Variants in CPPED1 observed in about 807,000 individuals in gnomAD.
The protein encoded by CPPED1 is calcineurin like phosphoesterase domain containing 1, also known as serine/threonine-protein phosphatase CPPED1.
CPPED1 carries 28 observed loss-of-function variants against 28.0 expected under a neutral mutation model. That is an observed-to-expected ratio of 1.00 (90% CI 0.74 to 1.37). The LOEUF (loss-of-function observed/expected upper bound fraction) is 1.37. Ranked by LOEUF, CPPED1 falls within the 40% of genes most tolerant of loss-of-function variation. The pLI, the probability that CPPED1 is intolerant of heterozygous loss-of-function variation, is 0.00. For synonymous variants in CPPED1, 198 were observed against 180.2 expected, an observed-to-expected ratio of 1.10 and a Z score of -0.79; for missense variants, 504 against 416.5, an observed-to-expected ratio of 1.21 and a Z score of -1.83.
intron 2 of CPPED1, among the ~76,000 whole-genome samples, chr16:12,713,444 C>T (rs1168599699): frequency 6.6e-6 from 1 of 152,166 alleles, no homozygotes; most frequent in East Asian, 1.9e-4. Context: ...CGGCTTGCTG[C>T]AATCTCTGCC....
At chr16:12,784,005 A>G (rs1241455890) in intron 1 of CPPED1, among the ~76,000 whole-genome samples, 1 of 151,038 alleles carries the variant, frequency 6.6e-6, no homozygotes, top group Non-Finnish European at 1.5e-5. Flanking sequence ...GCCTCCTGAT[A>G]TTCACATCCC....
chr16:12,782,435 GC>G (rs1188907416), intron 1 of CPPED1, among the ~76,000 whole-genome samples: 2 of 151,984 alleles, frequency 1.3e-5, no homozygotes, highest in Non-Finnish European at 2.9e-5. Flanking sequence ...CCGATCTACA[GC>G]CCCCTCATTT....
At chr16:12,666,862 A>C (rs548066488) in intron 3 of CPPED1, among the ~76,000 whole-genome samples, 1 of 152,216 alleles carries the variant, frequency 6.6e-6, no homozygotes, top group Non-Finnish European at 1.5e-5. Flanking sequence ...AGCTCACAAC[A>C]TTCCTTAAAA....
intron 1 of CPPED1, among the ~76,000 whole-genome samples, chr16:12,799,355 C>T (rs948553113): frequency 3.3e-5 from 5 of 151,540 alleles, no homozygotes; most frequent in Non-Finnish European, 5.9e-5. Flanking sequence ...AAGTGATTCT[C>T]CTGCCTCAGC....
At chr16:12,724,456 C>G (rs1287867727) in intron 2 of CPPED1, among the ~76,000 whole-genome samples, 2 of 152,204 alleles carry the variant, frequency 1.3e-5, no homozygotes, top group Admixed American at 1.3e-4. Context: ...TCCATTATCG[C>G]GCAGCTGCCA....
intron 2 of CPPED1, among the ~76,000 whole-genome samples, chr16:12,756,183 A>T (rs1854179668): frequency 6.6e-6 from 1 of 152,038 alleles, no homozygotes; most frequent in Non-Finnish European, 1.5e-5. Flanking sequence ...GCTGAAACTC[A>T]TATAATGACA....
intron 3 of CPPED1, among the ~76,000 whole-genome samples, chr16:12,697,303 A>AT (rs1472794201): frequency 6.6e-6 from 1 of 152,096 alleles, no homozygotes; most frequent in South Asian, 2.1e-4. Context: ...AGCTAGTTCT[A>AT]TTTTTTTCTA....
intron 3 of CPPED1, among the ~76,000 whole-genome samples, chr16:12,676,203 G>C (rs547356112): frequency 5.5e-4 from 84 of 152,302 alleles, no homozygotes; most frequent in African/African-American, 2.0e-3. Flanking sequence ...GAAGGGATCC[G>C]GGTAAGGTGG....
intron 3 of CPPED1, among the ~76,000 whole-genome samples, chr16:12,667,138 A>G (rs2079829976): frequency 6.6e-6 from 1 of 152,144 alleles, no homozygotes; most frequent in Admixed American, 6.6e-5. Flanking sequence ...ACAAAAAACA[A>G]AAAAAACACC....
chr16:12,723,072 C>T (rs982166590), intron 2 of CPPED1, among the ~76,000 whole-genome samples: 6 of 152,120 alleles, frequency 3.9e-5, no homozygotes, highest in African/African-American at 1.4e-4. Flanking sequence ...ACAGGAGGGT[C>T]GGCAACGTCT....
At chr16:12,705,086 G>C in intron 2 of CPPED1, 37 bp from the exon 3 acceptor site, 3 of 1,547,536 alleles carry the variant, frequency 1.9e-6, no homozygotes, top group Non-Finnish European at 2.6e-6. Context: ...GAAAGCCAGG[G>C]GCTTATTCAC....
chr16:12,683,036 G>A (rs1036953312), intron 3 of CPPED1, among the ~76,000 whole-genome samples: 8 of 152,280 alleles, frequency 5.3e-5, no homozygotes, highest in East Asian at 1.9e-4. Context: ...CAGACGTGGC[G>A]GCCAGCCACG....
chr16:12,689,499 G>A (rs2079951305), intron 3 of CPPED1, among the ~76,000 whole-genome samples: 2 of 151,542 alleles, frequency 1.3e-5, no homozygotes, highest in Admixed American at 1.3e-4. Context: ...CAAATCACTG[G>A]GATTACACGT....
At chr16:12,737,833 TTC>T (rs913034025) in intron 2 of CPPED1, among the ~76,000 whole-genome samples, 50 of 152,228 alleles carry the variant, frequency 3.3e-4, no homozygotes, top group African/African-American at 1.2e-3. Flanking sequence ...TTGAGCAATT[TTC>T]TCTCTCTCTT....
intron 2 of CPPED1, among the ~76,000 whole-genome samples, chr16:12,767,313 C>T (rs1596477677): frequency 6.6e-6 from 1 of 152,310 alleles, no homozygotes; most frequent in African/African-American, 2.4e-5. Context: ...TTCATCTTTT[C>T]TCCATCTTTT....
At chr16:12,743,582 G>C (rs1316544510) in intron 2 of CPPED1, among the ~76,000 whole-genome samples, 2 of 152,162 alleles carry the variant, frequency 1.3e-5, no homozygotes, top group Admixed American at 6.5e-5. Context: ...AAGTTGATAA[G>C]GGATTAACCT....
Position 12,708,136 on chromosome 16 carries a change from G to C in CPPED1, c.290-3087C>G, listed in dbSNP as rs1471914389. Reference sequence around the variant, plus strand: ...CACTCCAGCCTGGGCAACAGAGTGAGATTCTGTCTCAAAAAAATTATTTAT... The same window carrying C: ...CACTCCAGCCTGGGCAACAGAGTGACATTCTGTCTCAAAAAAATTATTTAT... On this transcript the variant is annotated intron_variant, in intron 2 of 3. Transcript: ENST00000381774. 2.6e-5 allele frequency among the ~76,000 whole-genome samples: 4 copies of C among 151,968 alleles called. 1 individual carries two copies. The highest frequency in any genetic ancestry group is 7.3e-5 in the African/African-American group (3 of 41,330).
intron 2 of CPPED1, among the ~76,000 whole-genome samples, chr16:12,722,796 C>T (rs1411780033): frequency 2.6e-5 from 4 of 152,238 alleles, no homozygotes; most frequent in African/African-American, 9.6e-5. Flanking sequence ...TTTCTTTCTC[C>T]CAGGGATTCT....
chr16:12,667,394 G>T (rs1359693085), intron 3 of CPPED1, among the ~76,000 whole-genome samples: 1 of 152,086 alleles, frequency 6.6e-6, no homozygotes, highest in Non-Finnish European at 1.5e-5. Flanking sequence ...AGAACAGGAG[G>T]TAATGAACAT....
Sources: gnomAD v4.1 joint callset for allele counts (sites outside exome capture counted in the v4.1 genomes callset) on GRCh38, gnomAD v4.1.1 for gene constraint, MANE v1.5 for transcripts, NCBI Gene and HGNC (gene_info 2026-07-23, HGNC 2026-07-21) for gene names.